The following PPFIA1 variants were observed in gnomAD, a reference collection of about 807,000 sequenced individuals.
The protein encoded by PPFIA1 is liprin-alpha-1.
Under a neutral mutation model 149.9 loss-of-function variants are expected in PPFIA1, and 25 were observed. The ratio of observed to expected loss-of-function variants is 0.17; its 90% CI spans 0.12 to 0.23. The LOEUF is 0.23. Among genes scored for constraint, PPFIA1 ranks in the 10% least tolerant of loss-of-function variants. The pLI is 1.00. For synonymous variants in PPFIA1, 549 were observed against 552.8 expected (o/e 0.99, Z 0.10); for missense variants, 1,362 against 1,506.5 (o/e 0.90, Z 1.59).
chr11:70,354,355 A>G lies in PPFIA1; in HGVS notation c.2218A>G (p.Thr740Ala), dbSNP rs761384781. ...TGACAAGACAACCATAAAGTGTGAA[A>G]CCTCCCCGCCTTCCTCCCCGAGAGC... ...RDDKTTIKCE[T>A]SPPSSPRALR... The change falls in exon 17 of 28, where the codon ACC becomes GCC. Residue 740 changes from threonine (T) to alanine (A), a missense_variant. Physicochemically the swap from Thr to Ala is moderately conservative, Grantham distance 58. Around this residue, in one of 7 missense-constraint regions of PPFIA1, gnomAD observed 733 missense variants for 744.1 expected, o/e 0.99. Coordinates refer to ENST00000253925, the MANE Select transcript of PPFIA1 (RefSeq NM_003626.5). 2.5e-6 allele frequency: 4 copies of G among 1,613,016 alleles called. No individual in the cohort carries two copies. Among genetic ancestry groups the G allele is most frequent in the Non-Finnish European group, 3.4e-6 (4 of 1,179,744 alleles).
Position 70,378,167 on chromosome 11 carries a change from TATGCAGCCAAAGAAG to T in PPFIA1, c.3529_3543del (p.Pro1177_Gln1181del). On this transcript the variant is annotated inframe_deletion, in exon 26 of 28. Transcript: ENST00000253925. The stretch of plus-strand genomic sequence containing the variant: ...TGACTTCTTCTATGTCTTCCCCCTC[TATGCAGCCAAAGAAG>T]ATGCAGATGGACGGTATGTGATGGG... The T allele has an allele frequency of 6.2e-7, 1 of 1,614,132 alleles. No homozygotes were observed. The highest frequency in any genetic ancestry group is 8.5e-7 in the Non-Finnish European group (1 of 1,180,012).
At chr11:70,288,413 A>G (rs912761072) in intron 2 of PPFIA1, among the ~76,000 whole-genome samples, 3 of 151,986 alleles carry the variant, frequency 2.0e-5, no homozygotes, top group Non-Finnish European at 4.4e-5. Context: ...CAATTCCCAG[A>G]GCTCTCCTTC....
At chr11:70,311,999 C>T (rs113202233) in intron 2 of PPFIA1, among the ~76,000 whole-genome samples, 4,710 of 151,736 alleles carry the variant, frequency 0.031, 281 homozygotes, top group African/African-American at 0.11. Context: ...TGCACCACCA[C>T]GCCTGGCTAT....
chr11:70,298,767 T>C (rs2052269790), intron 2 of PPFIA1, among the ~76,000 whole-genome samples: 1 of 152,176 alleles, frequency 6.6e-6, no homozygotes, highest in African/African-American at 2.4e-5. Flanking sequence ...GGGATTGCTG[T>C]TACATTCATC....
intron 2 of PPFIA1, among the ~76,000 whole-genome samples, chr11:70,281,216 C>A (rs1415377743): frequency 1.3e-5 from 2 of 152,108 alleles, no homozygotes; most frequent in African/African-American, 4.8e-5. Flanking sequence ...GTAGAAAGCG[C>A]TGGGTGATGC....
intron 2 of PPFIA1, among the ~76,000 whole-genome samples, chr11:70,286,201 C>T (rs1353968031): frequency 1.3e-5 from 2 of 152,312 alleles, no homozygotes; most frequent in East Asian, 3.9e-4. Context: ...CTTTCCCCCG[C>T]ATCCGTACCC....
At position 70,376,480 on chromosome 11, in the gene PPFIA1, C is replaced by G. The variant is rs2057495848; in HGVS notation, c.3316-52C>G. On this transcript the variant is annotated intron_variant, in intron 24 of 27. Coordinates refer to ENST00000253925, the MANE Select transcript of PPFIA1 (RefSeq NM_003626.5). ...AAAAAACAATTACGATGCTAACACCCTTCAAATTAGATTTGATGAAAGTTT... is the reference window on the plus strand; with the variant it reads ...AAAAAACAATTACGATGCTAACACCGTTCAAATTAGATTTGATGAAAGTTT... 4 of 1,526,060 alleles carry G rather than the reference C, an allele frequency of 2.6e-6. No homozygotes were observed. The South Asian group carries it at 4.5e-5, about 17-fold the overall frequency. The allele number at this position is 1,526,060 out of a possible 1,614,324, so 94.5% of individuals were successfully genotyped here.
chr11:70,319,836 TG>T (rs1449837000), intron 2 of PPFIA1: 1 of 152,300 alleles, frequency 6.6e-6, no homozygotes, highest in Non-Finnish European at 1.5e-5. Flanking sequence ...CTTCTGCTTT[TG>T]TGAAAGAGGC....
intron 5 of PPFIA1, 146 bp from the exon 6 acceptor site, chr11:70,326,116 C>T (rs530605757): frequency 1.2e-5 from 7 of 561,502 alleles, no homozygotes; most frequent in African/African-American, 7.7e-5. Flanking sequence ...TGGTTATTTT[C>T]GGATTGGGTA....
chr11:70,333,616 T>G (rs1189489477), intron 10 of PPFIA1, 63 bp downstream of exon 10: 10 of 1,356,470 alleles, frequency 7.4e-6, no homozygotes, highest in Non-Finnish European at 1.0e-5. Flanking sequence ...TGCTCGGCTG[T>G]GGGGAGCTCA....
At chr11:70,342,711 CT>C (rs1436046922) in intron 14 of PPFIA1, among the ~76,000 whole-genome samples, 2 of 152,100 alleles carry the variant, frequency 1.3e-5, no homozygotes, top group Non-Finnish European at 2.9e-5. Context: ...GGATTTAAAT[CT>C]TTTTTATTTC....
chr11:70,378,805 T>G (rs1306063310), intron 26 of PPFIA1, among the ~76,000 whole-genome samples: 2 of 152,226 alleles, frequency 1.3e-5, no homozygotes, highest in African/African-American at 4.8e-5. Context: ...TGCCATGATT[T>G]CACATGCAGT....
intron 5 of PPFIA1, 64 bp downstream of exon 5, chr11:70,325,638 A>T: frequency 7.6e-7 from 1 of 1,310,988 alleles, no homozygotes; most frequent in Admixed American, 1.7e-5. Flanking sequence ...TTAATTATTA[A>T]AAGCAGCATA....
intron 7 of PPFIA1, 102 bp from the exon 8 acceptor site, chr11:70,330,071 T>G: frequency 9.0e-7 from 1 of 1,114,104 alleles, no homozygotes; most frequent in South Asian, 1.5e-5. Flanking sequence ...TTTAATTTGA[T>G]TGGAAATTTG....
intron 21 of PPFIA1, chr11:70,364,880 G>A (rs539847678): frequency 1.3e-5 from 2 of 152,610 alleles, no homozygotes; most frequent in Admixed American, 6.5e-5. Context: ...TCTGTCTCGT[G>A]TCTGGTTCTG....
Position 70,376,536 on chromosome 11 carries a change from G to C in PPFIA1, c.3320G>C (p.Arg1107Pro), listed in dbSNP as rs142464353. The change falls in exon 25 of 28, where the codon CGT becomes CCT. Residue 1107 changes from arginine to proline, a missense_variant. By Grantham distance (103) the Arg-to-Pro change is moderately radical (BLOSUM62 -2). Coordinates refer to ENST00000253925, the MANE Select transcript of PPFIA1 (RefSeq NM_003626.5). ...LQIPTQNTQARAVLEREFNNL... is the reference protein window; with the variant it reads ...LQIPTQNTQAPAVLEREFNNL... ...GTTTTTCTTTGGTTATTTCAGGCTC[G>C]TGCTGTCTTGGAAAGAGAATTTAAC... The C allele has an allele frequency of 2.5e-6, 4 of 1,612,684 alleles. No homozygotes were observed. Among genetic ancestry groups the C allele is most frequent in the African/African-American group, 2.7e-5 (2 of 74,912 alleles).
intron 2 of PPFIA1, among the ~76,000 whole-genome samples, chr11:70,299,978 C>G (rs960099950): frequency 1.8e-4 from 28 of 152,100 alleles, no homozygotes; most frequent in Admixed American, 2.0e-4. Context: ...GCCCGGCTAC[C>G]GACTCCGTGT....
At chr11:70,288,647 G>A (rs2051316073) in intron 2 of PPFIA1, among the ~76,000 whole-genome samples, 1 of 152,188 alleles carries the variant, frequency 6.6e-6, no homozygotes, top group African/African-American at 2.4e-5. Context: ...GAAGAAGAGT[G>A]TTCTCCTTTG....
At chr11:70,333,369 C>G in intron 9 of PPFIA1, 101 bp from the exon 10 acceptor site, 1 of 872,314 alleles carries the variant, frequency 1.1e-6, no homozygotes, top group Non-Finnish European at 1.9e-6. Flanking sequence ...GGCGGAGCAG[C>G]CCACGCAGAG....
Sources: gnomAD v4.1 joint callset for allele counts (sites outside exome capture counted in the v4.1 genomes callset) on GRCh38, gnomAD v4.1.1 for gene constraint, gnomAD v4.1.1 regional missense constraint, MANE v1.5 for transcripts, NCBI Gene and HGNC (gene_info 2026-07-23, HGNC 2026-07-21) for gene names.